Variants in GABRG1 observed in about 807,000 individuals in gnomAD.
GABRG1 encodes gamma-aminobutyric acid type A receptor subunit gamma1.
In GABRG1, 49 loss-of-function variants were observed where a neutral mutation model predicts 49.8. The ratio of observed to expected loss-of-function variants is 0.98; its 90% CI spans 0.78 to 1.25. The LOEUF is 1.25. Ranked by LOEUF, GABRG1 falls within the 50% of genes most tolerant of loss-of-function variation. GABRG1 has a pLI of 0.00. For missense variants in GABRG1, 552 were observed against 552.3 expected (o/e 1.00, Z 0.01); for synonymous variants, 232 against 185.1 (o/e 1.25, Z -2.06).
chr4:46,057,392 C>A (rs1205592855), intron 7 of GABRG1, among the ~76,000 whole-genome samples: 1 of 152,048 alleles, frequency 6.6e-6, no homozygotes, highest in Non-Finnish European at 1.5e-5. Flanking sequence ...CCTTTCTTTA[C>A]ATATTTTTAA....
intron 2 of GABRG1, among the ~76,000 whole-genome samples, chr4:46,095,205 C>A (rs16859067): frequency 0.095 from 14,461 of 151,476 alleles, 1,428 homozygotes; most frequent in African/African-American, 0.25. Flanking sequence ...GAGAATACAA[C>A]TGAGATGAAG....
At chr4:46,077,026 G>T (rs370104817) in intron 3 of GABRG1, among the ~76,000 whole-genome samples, 1 of 150,062 alleles carries the variant, frequency 6.7e-6, no homozygotes, top group Non-Finnish European at 1.5e-5. Context: ...AACATTTAAC[G>T]GATTTCTTAA....
intron 1 of GABRG1, among the ~76,000 whole-genome samples, chr4:46,113,660 A>G (rs149802183): frequency 5.3e-4 from 80 of 151,240 alleles, no homozygotes; most frequent in Non-Finnish European, 1.1e-3. Context: ...AATTTAATAT[A>G]TTTATGCTTA....
At chr4:46,106,892 G>A (rs1406743306) in intron 1 of GABRG1, among the ~76,000 whole-genome samples, 4 of 150,760 alleles carry the variant, frequency 2.7e-5, no homozygotes, top group South Asian at 2.1e-4. Flanking sequence ...AGCTCCAAAC[G>A]CAACTACATT....
chr4:46,053,229 T>C (rs781620154), intron 7 of GABRG1, among the ~76,000 whole-genome samples: 21 of 151,886 alleles, frequency 1.4e-4, no homozygotes, highest in Admixed American at 7.3e-4. Context: ...TTAGAAAATA[T>C]ACTCTGAAAA....
intron 1 of GABRG1, among the ~76,000 whole-genome samples, chr4:46,116,068 CA>C (rs1249018854): frequency 2.7e-5 from 4 of 150,478 alleles, no homozygotes; most frequent in African/African-American, 9.7e-5. Flanking sequence ...TATAGCTTGC[CA>C]ACTTTTAGAT....
intron 7 of GABRG1, among the ~76,000 whole-genome samples, chr4:46,056,652 T>C (rs1254456718): frequency 5.9e-5 from 9 of 152,126 alleles, no homozygotes; most frequent in African/African-American, 1.7e-4. Context: ...CACGAAGTTT[T>C]AAAATTTTAT....
At chr4:46,042,749 G>A (rs1296541243) in intron 8 of GABRG1, among the ~76,000 whole-genome samples, 1 of 151,918 alleles carries the variant, frequency 6.6e-6, no homozygotes. Flanking sequence ...GCAAAAGGAA[G>A]CAAATATTCA....
intron 4 of GABRG1, 66 bp from the exon 5 acceptor site, chr4:46,064,589 C>T: frequency 1.3e-6 from 1 of 782,548 alleles, no homozygotes; most frequent in Non-Finnish European, 2.0e-6. Flanking sequence ...AATCTCCTGT[C>T]TCATTTTAAA....
At chr4:46,049,003 G>A (rs1718112947) in intron 8 of GABRG1, among the ~76,000 whole-genome samples, 1 of 151,878 alleles carries the variant, frequency 6.6e-6, no homozygotes, top group African/African-American at 2.4e-5. Flanking sequence ...CAACTCTCTA[G>A]CCAAAGTATT....
chr4:46,115,701 A>AT (rs562378695), intron 1 of GABRG1, among the ~76,000 whole-genome samples: 36 of 150,922 alleles, frequency 2.4e-4, no homozygotes, highest in African/African-American at 8.7e-4. Context: ...AGGATTGAAG[A>AT]TATAGATCTC....
intron 3 of GABRG1, among the ~76,000 whole-genome samples, chr4:46,068,911 T>C (rs1400849081): frequency 1.3e-5 from 2 of 152,098 alleles, no homozygotes; most frequent in Non-Finnish European, 2.9e-5. Context: ...TAAGGAACAG[T>C]GCATTTAAAA....
chr4:46,104,359 T>C (rs1024318961), intron 1 of GABRG1, among the ~76,000 whole-genome samples: 4 of 151,548 alleles, frequency 2.6e-5, no homozygotes, highest in African/African-American at 9.7e-5. Context: ...CGCTCTACAT[T>C]CTTCTCCAGC....
chr4:46,088,437 G>A (rs578163851), intron 2 of GABRG1, among the ~76,000 whole-genome samples: 1 of 151,856 alleles, frequency 6.6e-6, no homozygotes, highest in African/African-American at 2.4e-5. Context: ...CAGAAATATG[G>A]TATTTATTTT....
chr4:46,069,155 A>T (rs530394942), intron 3 of GABRG1, among the ~76,000 whole-genome samples: 6 of 152,096 alleles, frequency 3.9e-5, no homozygotes, highest in Non-Finnish European at 7.4e-5. Flanking sequence ...CTTTCTAGTA[A>T]TGGGAGAAAC....
At chr4:46,111,628 C>T (rs1720717975) in intron 1 of GABRG1, among the ~76,000 whole-genome samples, 1 of 151,262 alleles carries the variant, frequency 6.6e-6, no homozygotes, top group Admixed American at 6.6e-5. Context: ...CAGCATGGTA[C>T]TGGTACAAAA....
rs529455505 is a variant in GABRG1, at chr4:46,083,932, G to A, written c.321+54C>T. On this transcript the variant is annotated intron_variant, in intron 3 of 8. Coordinates refer to ENST00000295452, the MANE Select transcript of GABRG1 (RefSeq NM_173536.4). The stretch of plus-strand genomic sequence containing the variant: ...ACTCACATGCGAATTCTATTTTGGA[G>A]GTATACACGAGAGATCTCTGTGGCA... 3.3e-6 allele frequency: 3 copies of A among 911,900 alleles called. No individual in the cohort carries two copies. The African/African-American group carries it at 5.1e-5, about 15-fold the overall frequency. 56.5% of individuals were successfully genotyped at this position (911,900 alleles called of 1,614,324 possible).
intron 1 of GABRG1, among the ~76,000 whole-genome samples, chr4:46,117,838 G>C (rs867688848): frequency 1.0e-5 from 1 of 100,216 alleles, no homozygotes; most frequent in East Asian, 2.6e-4. Flanking sequence ...ATATACATAT[G>C]TATACATGTG....
Position 46,038,858 on chromosome 4 carries a change from T to C in GABRG1, c.*2130A>G, listed in dbSNP as rs530854288. ...CAAATTTTATTTCCACTTGTAAATA[T>C]TGTCAACATTTAAAACCAAGTTAAT... is the stretch of plus-strand genomic sequence containing the variant. On this transcript the variant is annotated 3_prime_UTR_variant, in exon 9 of 9. Coordinates refer to ENST00000295452, the MANE Select transcript of GABRG1 (RefSeq NM_173536.4). 4.6e-4 allele frequency: 70 copies of C among 151,856 alleles called. No homozygotes were observed. Among genetic ancestry groups the C allele is most frequent in the African/African-American group, 1.7e-3 (69 of 41,528 alleles). The allele number at this position is 151,856 out of a possible 1,614,324, so 9.4% of individuals were successfully genotyped here.
Sources: allele counts gnomAD v4.1 joint callset (sites outside exome capture counted in the v4.1 genomes callset), GRCh38; gene constraint gnomAD v4.1.1; transcripts MANE v1.5; gene names NCBI Gene and HGNC (gene_info 2026-07-23, HGNC 2026-07-21).